GRID1: variants seen among roughly 807,000 people sequenced by gnomAD.
The protein encoded by GRID1 is glutamate receptor ionotropic, delta-1.
A neutral mutation model predicts 98.0 loss-of-function variants in GRID1; 28 were observed. That is an observed-to-expected ratio of 0.29 (90% CI 0.21 to 0.39). GRID1 has a LOEUF of 0.39. Among genes scored for constraint, GRID1 ranks in the 10% least tolerant of loss-of-function variants. The probability of loss-of-function intolerance (pLI) is 1.00; values close to 1 mark genes in which losing one functional copy is unlikely to be tolerated. For missense variants in GRID1, 1,111 were observed against 1,340.5 expected (o/e 0.83, Z 2.67); for synonymous variants, 553 against 538.5 (o/e 1.03, Z -0.37).
intron 4 of GRID1, among the ~76,000 whole-genome samples, chr10:85,978,953 A>C (rs991689941): frequency 6.6e-6 from 1 of 152,194 alleles, no homozygotes; most frequent in African/African-American, 2.4e-5. Flanking sequence ...TGCCCAGTTC[A>C]CAAAACCAGT....
intron 2 of GRID1, among the ~76,000 whole-genome samples, chr10:86,319,121 G>A (rs542059068): frequency 6.6e-6 from 1 of 152,250 alleles, no homozygotes; most frequent in East Asian, 1.9e-4. Context: ...GGGTGCTGCA[G>A]GAGCAAGGAG....
intron 8 of GRID1, among the ~76,000 whole-genome samples, chr10:85,766,041 C>T (rs574091735): frequency 2.6e-5 from 4 of 152,276 alleles, no homozygotes; most frequent in South Asian, 2.1e-4. Flanking sequence ...GAGGTTGTGT[C>T]GTGGCAGTAC....
intron 4 of GRID1, among the ~76,000 whole-genome samples, chr10:85,993,133 C>G (rs761641179): frequency 6.6e-6 from 1 of 152,120 alleles, no homozygotes; most frequent in Admixed American, 6.5e-5. Context: ...AGAGGACAAC[C>G]GGTTTGAGTT....
intron 3 of GRID1, among the ~76,000 whole-genome samples, chr10:86,170,979 T>C (rs995984811): frequency 6.6e-6 from 1 of 152,106 alleles, no homozygotes. Flanking sequence ...TTTCCCTGCC[T>C]TCAGACCGCC....
intron 2 of GRID1, among the ~76,000 whole-genome samples, chr10:86,352,307 AG>A (rs1013382502): frequency 2.6e-5 from 4 of 152,328 alleles, no homozygotes; most frequent in African/African-American, 9.6e-5. Context: ...GTGCCTGGCC[AG>A]GTCTAGCCCC....
At chr10:86,190,578 C>T (rs1469591585) in intron 3 of GRID1, among the ~76,000 whole-genome samples, 1 of 152,240 alleles carries the variant, frequency 6.6e-6, no homozygotes, top group African/African-American at 2.4e-5. Context: ...CATGCCCATC[C>T]CCATCCTGCA....
chr10:85,772,740 C>T (rs1230511191), intron 8 of GRID1, among the ~76,000 whole-genome samples: 1 of 152,138 alleles, frequency 6.6e-6, no homozygotes, highest in Non-Finnish European at 1.5e-5. Flanking sequence ...GGATAAATTC[C>T]TCGACACATA....
At chr10:85,865,924 T>TATATATATAC (rs1241735193) in intron 6 of GRID1, among the ~76,000 whole-genome samples, 1 of 112,972 alleles carries the variant, frequency 8.9e-6, no homozygotes, top group East Asian at 2.9e-4. Context: ...TATATATATA[T>TATATATATAC]ATATATATAT....
chr10:86,359,026 A>T (rs1039829122), intron 2 of GRID1, among the ~76,000 whole-genome samples: 1 of 152,224 alleles, frequency 6.6e-6, no homozygotes, highest in Non-Finnish European at 1.5e-5. Context: ...TCCAGCCTCC[A>T]GAAGGACCCA....
intron 8 of GRID1, among the ~76,000 whole-genome samples, chr10:85,774,331 G>C (rs1287116126): frequency 6.6e-6 from 1 of 151,952 alleles, no homozygotes. Flanking sequence ...AATTCAAGAT[G>C]GATTAAAGAC....
chr10:85,777,901 T>C (rs1003879231), intron 8 of GRID1, among the ~76,000 whole-genome samples: 3 of 152,140 alleles, frequency 2.0e-5, no homozygotes, highest in Non-Finnish European at 2.9e-5. Context: ...TTAGTCCTAA[T>C]TAAAACTAGG....
At chr10:86,129,006 G>A (rs1406704323) in intron 4 of GRID1, among the ~76,000 whole-genome samples, 4 of 152,206 alleles carry the variant, frequency 2.6e-5, no homozygotes, top group South Asian at 2.1e-4. Flanking sequence ...GTGAGAAAGC[G>A]GGGCAAGAAA....
intron 2 of GRID1, among the ~76,000 whole-genome samples, chr10:86,303,740 G>A (rs1847721599): frequency 6.6e-6 from 1 of 152,184 alleles, no homozygotes; most frequent in Non-Finnish European, 1.5e-5. Flanking sequence ...AGCTCACCCA[G>A]TTGCACAGGG....
intron 4 of GRID1, among the ~76,000 whole-genome samples, chr10:86,111,629 G>GACTTGTA (rs1844485834): frequency 1.3e-5 from 2 of 152,154 alleles, no homozygotes; most frequent in South Asian, 4.1e-4. Flanking sequence ...AGGGATAAAG[G>GACTTGTA]GGTTAACCCA....
intron 8 of GRID1, among the ~76,000 whole-genome samples, chr10:85,740,025 A>G (rs1267409711): frequency 1.3e-5 from 2 of 152,186 alleles, no homozygotes; most frequent in Non-Finnish European, 2.9e-5. Flanking sequence ...CAGAAGAAAA[A>G]TGATAAAGCA....
intron 2 of GRID1, among the ~76,000 whole-genome samples, chr10:86,288,806 G>A (rs28399905): frequency 0.037 from 5,607 of 152,256 alleles, 255 homozygotes; most frequent in African/African-American, 0.11. Context: ...GAGCAGGGCC[G>A]ACTGGCTATG....
intron 5 of GRID1, among the ~76,000 whole-genome samples, chr10:85,896,360 G>T (rs17310265): frequency 0.09 from 13,738 of 152,146 alleles, 654 homozygotes; most frequent in Middle Eastern, 0.16. Flanking sequence ...AGTTAGAGCT[G>T]GGCTGGTTCA....
chr10:86,346,074 C>T (rs1848377041), intron 2 of GRID1, among the ~76,000 whole-genome samples: 1 of 152,232 alleles, frequency 6.6e-6, no homozygotes, highest in Admixed American at 6.5e-5. Flanking sequence ...AGGCTTCATT[C>T]TCTTGTAGCA....
intron 2 of GRID1, among the ~76,000 whole-genome samples, chr10:86,301,883 C>T (rs1246595701): frequency 6.6e-6 from 1 of 152,244 alleles, no homozygotes; most frequent in Non-Finnish European, 1.5e-5. Context: ...AGATCAAACA[C>T]ATTTCAGGTG....
Sources: allele counts gnomAD v4.1 joint callset (sites outside exome capture counted in the v4.1 genomes callset), GRCh38; gene constraint gnomAD v4.1.1; transcripts MANE v1.5; gene names NCBI Gene and HGNC (gene_info 2026-07-23, HGNC 2026-07-21).